Variants in HLF observed in about 807,000 individuals in gnomAD.
HLF encodes hepatic leukemia factor.
Under a neutral mutation model 22.6 loss-of-function variants are expected in HLF, and 3 were observed. The ratio of observed to expected loss-of-function variants is 0.13; its 90% CI spans 0.06 to 0.34. HLF has a LOEUF of 0.34. HLF is among the 10% of genes least tolerant of loss of function. The pLI, the probability that HLF is intolerant of heterozygous loss-of-function variation, is 1.00. For synonymous variants in HLF, 151 were observed against 151.8 expected, an observed-to-expected ratio of 0.99 and a Z score of 0.04; for missense variants, 299 against 389.2, an observed-to-expected ratio of 0.77 and a Z score of 1.95.
intron 2 of HLF, among the ~76,000 whole-genome samples, chr17:55,287,683 T>C (rs1299808880): frequency 1.3e-5 from 2 of 152,236 alleles, no homozygotes; most frequent in Non-Finnish European, 2.9e-5. Context: ...GTGTAAATAC[T>C]TCAATCCTGC....
intron 2 of HLF, among the ~76,000 whole-genome samples, chr17:55,310,049 A>G (rs938695049): frequency 4.6e-5 from 7 of 152,328 alleles, no homozygotes; most frequent in Admixed American, 3.3e-4. Flanking sequence ...TTCCAGTTAT[A>G]CTATTTGGAG....
At chr17:55,289,490 C>T (rs1009619375) in intron 2 of HLF, among the ~76,000 whole-genome samples, 1 of 152,164 alleles carries the variant, frequency 6.6e-6, no homozygotes, top group African/African-American at 2.4e-5. Context: ...TAGTGTGCCT[C>T]AGTTTACTAA....
intron 1 of HLF, chr17:55,266,931 G>A (rs956860619): frequency 5.4e-6 from 2 of 370,194 alleles, no homozygotes; most frequent in Admixed American, 6.4e-5. Context: ...CTTTTGAAAG[G>A]TTTTGTAAAT....
rs748869301 is a variant in HLF at position 55,265,450 on chromosome 17, C to CT, written c.-28dup. The CT allele has an allele frequency of 2.6e-6, 3 of 1,175,344 alleles. No individual in the cohort carries two copies. Among genetic ancestry groups the CT allele is most frequent in the East Asian group, 2.5e-5 (1 of 40,512 alleles). The allele number at this position is 1,175,344 out of a possible 1,614,324, so 72.8% of individuals were successfully genotyped here. A position where few individuals can be genotyped will look rare whatever the true frequency, so the allele number is the denominator to read the frequency against. On this transcript the variant is annotated 5_prime_UTR_variant, in exon 1 of 4. Transcript: ENST00000226067. ...GGGGGCGGTTGTTTCTTTCTTATTT[C>CT]TTTTTTTAAGGGGAAAAAATTTGAG...
rs376114467 is a variant in HLF at position 55,274,561 on chromosome 17, A to G, written c.451+6475A>G. On this transcript the variant is annotated intron_variant, in intron 2 of 3. Coordinates refer to ENST00000226067, the MANE Select transcript of HLF (RefSeq NM_002126.5). ...TGTCCTGTGTTTGAGACACCAGTCTATACGGGCAATATAGCAGTAATGTTT... is the reference window on the plus strand; with the variant it reads ...TGTCCTGTGTTTGAGACACCAGTCTGTACGGGCAATATAGCAGTAATGTTT... Among the ~76,000 whole-genome samples, 7 of 152,358 alleles carry G rather than the reference A, an allele frequency of 4.6e-5. No individual in the cohort carries two copies. The East Asian group carries it at 1.2e-3, about 25-fold the overall frequency.
At chr17:55,288,948 T>G in intron 2 of HLF, 1 of 985,206 alleles carries the variant, frequency 1.0e-6, no homozygotes, top group South Asian at 4.7e-5. Context: ...TTCTTAAAAC[T>G]CATCCCACAG....
At chr17:55,291,244 A>G (rs889476975) in intron 2 of HLF, among the ~76,000 whole-genome samples, 2 of 152,248 alleles carry the variant, frequency 1.3e-5, no homozygotes, top group African/African-American at 4.8e-5. Context: ...ACACAGCCTT[A>G]TATTGGAAGA....
intron 3 of HLF, among the ~76,000 whole-genome samples, chr17:55,319,747 T>G (rs1303382612): frequency 6.6e-6 from 1 of 152,162 alleles, no homozygotes; most frequent in Non-Finnish European, 1.5e-5. Flanking sequence ...TATTTTTAAT[T>G]ACCAAAGTGT....
At chr17:55,299,281 CACTT>C (rs969134680) in intron 2 of HLF, among the ~76,000 whole-genome samples, 12 of 152,316 alleles carry the variant, frequency 7.9e-5, no homozygotes, top group African/African-American at 2.9e-4. Context: ...TGCTTAGCAA[CACTT>C]ACTTAGTAAC....
chr17:55,281,420 G>A (rs1036547101), intron 2 of HLF, among the ~76,000 whole-genome samples: 1 of 152,182 alleles, frequency 6.6e-6, no homozygotes, highest in Non-Finnish European at 1.5e-5. Context: ...GGCTGAGGCA[G>A]GAGAATCGCT....
In HLF at chr17:55,265,458, A is replaced by T; in HGVS notation, c.-27A>T. ...TTGTTTCTTTCTTATTTCTTTTTTT[A>T]AGGGGAAAAAATTTGAGTGCATCGC... On this transcript the variant is annotated 5_prime_UTR_variant, in exon 1 of 4. Coordinates refer to ENST00000226067, the MANE Select transcript of HLF (RefSeq NM_002126.5). 7.4e-7 allele frequency: 1 copy of T among 1,356,104 alleles called. No homozygotes were observed. The highest frequency in any genetic ancestry group is 1.1e-6 in the Non-Finnish European group (1 of 951,606). 84.0% of individuals were successfully genotyped at this position (1,356,104 alleles called of 1,614,324 possible).
chr17:55,323,480 A>G lies in HLF; in HGVS notation c.*2601A>G, dbSNP rs1316245577. 4.6e-6 allele frequency: 1 copy of G among 216,166 alleles called. No homozygotes were observed. Among genetic ancestry groups the G allele is most frequent in the Non-Finnish European group, 9.3e-6 (1 of 107,044 alleles). The allele number at this position is 216,166 out of a possible 1,614,324, so 13.4% of individuals were successfully genotyped here. A position where few individuals can be genotyped will look rare whatever the true frequency, so the allele number is the denominator to read the frequency against. On this transcript the variant is annotated 3_prime_UTR_variant, in exon 4 of 4. Coordinates refer to ENST00000226067, the MANE Select transcript of HLF (RefSeq NM_002126.5). ...TCTTGGAATTAGATGTTTATATCAA[A>G]TGAGCATCTCAAATGTTTTCTGCAG...
At chr17:55,306,537 AGTGT>A (rs60472672) in intron 2 of HLF, among the ~76,000 whole-genome samples, 4,569 of 143,652 alleles carry the variant, frequency 0.032, 95 homozygotes, top group African/African-American at 0.052. Context: ...GCAAAAAGGA[AGTGT>A]GTGTGTGTGT....
intron 2 of HLF, among the ~76,000 whole-genome samples, chr17:55,285,105 C>G (rs944137081): frequency 2.0e-5 from 3 of 152,154 alleles, no homozygotes; most frequent in Non-Finnish European, 4.4e-5. Flanking sequence ...CATGGCTGCC[C>G]TCGTTCATAG....
intron 2 of HLF, among the ~76,000 whole-genome samples, chr17:55,280,216 A>G (rs2080941306): frequency 6.6e-6 from 1 of 152,240 alleles, no homozygotes; most frequent in Admixed American, 6.5e-5. Context: ...TGTTACAGCA[A>G]TGCTATAGCA....
At chr17:55,316,586 G>C (rs1183674620) in intron 3 of HLF, among the ~76,000 whole-genome samples, 1 of 152,184 alleles carries the variant, frequency 6.6e-6, no homozygotes, top group Middle Eastern at 3.2e-3. Flanking sequence ...AGATTCATTT[G>C]TCCAAAATTA....
intron 2 of HLF, among the ~76,000 whole-genome samples, chr17:55,298,532 C>T (rs891023066): frequency 4.6e-5 from 7 of 152,176 alleles, no homozygotes; most frequent in African/African-American, 1.7e-4. Flanking sequence ...ATGGGTTTAG[C>T]TTGGCTAATC....
At position 55,264,974 on chromosome 17, in the gene HLF, C is replaced by A. The variant is rs2080773754; in HGVS notation, c.-511C>A. 6.0e-6 allele frequency: 1 copy of A among 165,856 alleles called. No individual in the cohort carries two copies. The highest frequency in any genetic ancestry group is 1.3e-5 in the Non-Finnish European group (1 of 76,776). The allele number at this position is 165,856 out of a possible 1,614,324, so 10.3% of individuals were successfully genotyped here. A position where few individuals can be genotyped will look rare whatever the true frequency, so the allele number is the denominator to read the frequency against. On this transcript the variant is annotated 5_prime_UTR_variant, in exon 1 of 4. Coordinates refer to ENST00000226067, the MANE Select transcript of HLF (RefSeq NM_002126.5). ...GCCCTGACGTCACTCTTGTCAGGGC[C>A]GCGGCACATGGGCGGCCGGATGCGC...
At chr17:55,309,832 C>G (rs1459651010) in intron 2 of HLF, among the ~76,000 whole-genome samples, 2 of 152,114 alleles carry the variant, frequency 1.3e-5, no homozygotes, top group Admixed American at 1.3e-4. Context: ...GGAGGTGTTG[C>G]AATTAGCCTT....
Sources: gnomAD v4.1 joint callset for allele counts (sites outside exome capture counted in the v4.1 genomes callset) on GRCh38, gnomAD v4.1.1 for gene constraint, MANE v1.5 for transcripts, NCBI Gene and HGNC (gene_info 2026-07-23, HGNC 2026-07-21) for gene names.